Variants in SACS observed in about 807,000 individuals in gnomAD.
The protein encoded by SACS is sacsin molecular chaperone.
Under a neutral mutation model 348.0 loss-of-function variants are expected in SACS, and 197 were observed. That is an observed-to-expected ratio of 0.57 (90% CI 0.50 to 0.64). The LOEUF is 0.64. Ranked by LOEUF, SACS falls within the 30% of genes least tolerant of loss-of-function variation. SACS has a pLI of 0.00. For synonymous variants in SACS, 1,985 were observed against 1,910.6 expected, an observed-to-expected ratio of 1.04 and a Z score of -1.02; for missense variants, 4,999 against 5,360.8, an observed-to-expected ratio of 0.93 and a Z score of 2.11.
Position 23,329,463 on chromosome 13 carries a change from C to A in SACS, c.*673G>T. The stretch of plus-strand genomic sequence containing the variant: ...TGCCACCATTTTGAGTTTTCCGTTG[C>A]TATCTTCATCAAACAGGAAGCCTGT... On this transcript the variant is annotated 3_prime_UTR_variant, in exon 10 of 10. Coordinates refer to ENST00000382292, the MANE Select transcript of SACS (RefSeq NM_014363.6). 1 of 767,848 alleles carries A rather than the reference C, an allele frequency of 1.3e-6. No individual in the cohort carries two copies. The highest frequency in any genetic ancestry group is 1.4e-5 in the South Asian group (1 of 71,588). 47.6% of individuals were successfully genotyped at this position (767,848 alleles called of 1,614,324 possible).
chr13:23,368,921 G>A (rs572655867), intron 4 of SACS, among the ~76,000 whole-genome samples: 36 of 152,200 alleles, frequency 2.4e-4, no homozygotes, highest in Admixed American at 1.2e-3. Flanking sequence ...GGATGGTCTT[G>A]ATCTCCTGAC....
intron 2 of SACS, among the ~76,000 whole-genome samples, chr13:23,407,637 G>A (rs1398756229): frequency 6.6e-6 from 1 of 152,210 alleles, no homozygotes; most frequent in Non-Finnish European, 1.5e-5. Flanking sequence ...GACTTAGATG[G>A]TTCAGACAGA....
Position 23,332,206 on chromosome 13 carries a change from A to G in SACS, c.11670T>C (p.Asn3890=). The change falls in exon 10 of 10, where the codon AAT becomes AAC. Residue 3890 remains asparagine, a synonymous_variant. Transcript: ENST00000382292. ...GATCACTCCTCACCTTGACTGAATC[A>G]TTCTGTAGACTCCTGAACAGACCAG... The part of the protein sequence containing the change: ...VVSGLFRSLQ[N]DSVKVRSDLE... 6.2e-7 allele frequency: 1 copy of G among 1,614,044 alleles called. No individual in the cohort carries two copies. The highest frequency in any genetic ancestry group is 8.5e-7 in the Non-Finnish European group (1 of 1,179,954).
chr13:23,359,158 G>C (rs953393467), intron 6 of SACS, among the ~76,000 whole-genome samples: 4 of 151,806 alleles, frequency 2.6e-5, no homozygotes, highest in Non-Finnish European at 4.4e-5. Flanking sequence ...CTCCAGCCTG[G>C]GCAACAGAGC....
chr13:23,417,200 C>G (rs1031130912), intron 1 of SACS, among the ~76,000 whole-genome samples: 40 of 151,832 alleles, frequency 2.6e-4, no homozygotes, highest in African/African-American at 9.7e-4. Flanking sequence ...TTAAAAAGAC[C>G]CTTTAAAAAT....
intron 2 of SACS, among the ~76,000 whole-genome samples, chr13:23,399,037 A>AAAAAAAAAAAAAAC (rs55848856): frequency 2.0e-5 from 3 of 149,738 alleles, no homozygotes; most frequent in Admixed American, 6.6e-5. Flanking sequence ...AAAAAAAAAA[A>AAAAAAAAAAAAAAC]CATGGATGCC....
intron 1 of SACS, among the ~76,000 whole-genome samples, chr13:23,433,083 A>G (rs1874499957): frequency 6.6e-6 from 1 of 152,232 alleles, no homozygotes; most frequent in Admixed American, 6.5e-5. Context: ...ATATTATATA[A>G]GATAACCATA....
chr13:23,390,087 TTTA>T (rs1016046742), intron 2 of SACS, among the ~76,000 whole-genome samples: 44 of 152,288 alleles, frequency 2.9e-4, no homozygotes, highest in African/African-American at 8.2e-4. Flanking sequence ...GGGTATAGAA[TTTA>T]TTATTTCTAT....
chr13:23,409,447 C>T (rs887470122), intron 2 of SACS, among the ~76,000 whole-genome samples: 3 of 149,700 alleles, frequency 2.0e-5, no homozygotes, highest in Non-Finnish European at 4.4e-5. Context: ...ACCTCCGCCT[C>T]CTGGGTTCAA....
chr13:23,335,792 C>T lies in SACS; in HGVS notation c.8084G>A (p.Cys2695Tyr). Residue 2695 changes from cysteine to tyrosine, a missense_variant, in exon 10 of 10, where the codon TGC becomes TAC. By Grantham distance (194) the Cys-to-Tyr change is radical. Transcript: ENST00000382292. The surrounding 1 kb of genome is among the most constrained non-coding windows in gnomAD (Gnocchi z 4.7). Reference sequence around the variant, plus strand: ...ACGAAGAGGAAATCTGAACATTGTGCAATTATCCAGTTTAAAATGGGTTCC... The same window carrying T: ...ACGAAGAGGAAATCTGAACATTGTGTAATTATCCAGTTTAAAATGGGTTCC... The part of the protein sequence containing the change: ...YLGTHFKLDN[C>Y]TMFRFPLRNA... 1 of 1,613,996 alleles carries T rather than the reference C, an allele frequency of 6.2e-7. No individual in the cohort carries two copies. The highest frequency in any genetic ancestry group is 8.5e-7 in the Non-Finnish European group (1 of 1,179,914).
rs574760713 is a variant in SACS, at chr13:23,398,010, G to A, written c.20+13210C>T. Among the ~76,000 whole-genome samples the A allele has an allele frequency of 7.8e-5, 11 of 140,844 alleles. No individual in the cohort carries two copies. In the East Asian group the frequency reaches 1.8e-3, roughly 23 times the overall value. 92.4% of individuals were successfully genotyped at this position (140,844 alleles called of 152,430 possible). A position where few individuals can be genotyped will look rare whatever the true frequency, so the allele number is the denominator to read the frequency against. ...AGTTCGAGACCAGCCTGACCAACACGGAGAAACCCTGTCTCTGCCAAAAAT... is the reference window on the plus strand; with the variant it reads ...AGTTCGAGACCAGCCTGACCAACACAGAGAAACCCTGTCTCTGCCAAAAAT... On this transcript the variant is annotated intron_variant, in intron 2 of 9. Transcript: ENST00000382292.
chr13:23,417,832 A>G lies in SACS; in HGVS notation c.-501-6092T>C, dbSNP rs1873746107. 2.0e-5 allele frequency among the ~76,000 whole-genome samples: 3 copies of G among 152,150 alleles called. No individual in the cohort carries two copies. The South Asian group carries it at 6.2e-4, about 32-fold the overall frequency. On this transcript the variant is annotated intron_variant, in intron 1 of 9. Coordinates refer to ENST00000382292, the MANE Select transcript of SACS (RefSeq NM_014363.6). ...ACCTGTAATCCCAGCACTTTGGAACACTGAGGCAGGCGGAACCCCTGAGCT... is the reference window on the plus strand; with the variant it reads ...ACCTGTAATCCCAGCACTTTGGAACGCTGAGGCAGGCGGAACCCCTGAGCT...
chr13:23,429,345 A>ATTTTTTTTT lies in SACS; in HGVS notation c.-502+4261_-502+4269dup, dbSNP rs536939164. 2.9e-3 allele frequency among the ~76,000 whole-genome samples: 151 copies of ATTTTTTTTT among 51,478 alleles called. 31 individuals are homozygous for ATTTTTTTTT. The highest frequency in any genetic ancestry group is 3.7e-3 in the Non-Finnish European group (107 of 28,794). 33.8% of individuals were successfully genotyped at this position (51,478 alleles called of 152,430 possible). ...CTGTGATTCAGTCGTTGAGGTAGGG[A>ATTTTTTTTT]TTTTTTTTTTTTTTTTTTTTTTTTT... On this transcript the variant is annotated intron_variant, in intron 1 of 9. Transcript: ENST00000382292.
intron 2 of SACS, among the ~76,000 whole-genome samples, chr13:23,398,130 G>A (rs530948745): frequency 6.6e-6 from 1 of 152,026 alleles, no homozygotes; most frequent in African/African-American, 2.4e-5. Flanking sequence ...GGTGGAGGTT[G>A]CAGTGAGCCA....
intron 2 of SACS, among the ~76,000 whole-genome samples, chr13:23,407,719 G>C (rs1024845023): frequency 6.6e-6 from 1 of 152,070 alleles, no homozygotes; most frequent in East Asian, 1.9e-4. Flanking sequence ...CATTAGACAG[G>C]CTCCCCCACG....
In SACS at chr13:23,355,556, C is replaced by A. The variant is rs1168146061; in HGVS notation, c.1056G>T (p.Leu352=). Residue 352 remains leucine (L), a synonymous_variant, in exon 8 of 10, where the codon CTG becomes CTT. Transcript: ENST00000382292. ...TACAATAGTTACTTATAGCAGTTCCCAGAATCTTTATAGAATTCGGCCGCT... is the reference window on the plus strand; with the variant it reads ...TACAATAGTTACTTATAGCAGTTCCAAGAATCTTTATAGAATTCGGCCGCT... ...KHERPNSIKI[L]GTAISNYCKK... 6.2e-7 allele frequency: 1 copy of A among 1,614,054 alleles called. No homozygotes were observed. The highest frequency in any genetic ancestry group is 8.5e-7 in the Non-Finnish European group (1 of 1,179,992).
At chr13:23,405,605 G>T (rs1249591952) in intron 2 of SACS, among the ~76,000 whole-genome samples, 1 of 151,792 alleles carries the variant, frequency 6.6e-6, no homozygotes, top group Non-Finnish European at 1.5e-5. Flanking sequence ...ACTATCATCA[G>T]AGTGAACAGA....
At chr13:23,342,158 AAAT>A (rs569292923) in intron 9 of SACS, among the ~76,000 whole-genome samples, 14 of 152,340 alleles carry the variant, frequency 9.2e-5, no homozygotes, top group Non-Finnish European at 1.8e-4. Context: ...AATAATTTTT[AAAT>A]AATAGTGATA....
At chr13:23,423,871 A>G (rs1171465147) in intron 1 of SACS, among the ~76,000 whole-genome samples, 3 of 152,194 alleles carry the variant, frequency 2.0e-5, no homozygotes, top group Non-Finnish European at 4.4e-5. Flanking sequence ...TTTTTGTTAA[A>G]CAAGTTACAA....
Sources: gnomAD v4.1 joint callset for allele counts (sites outside exome capture counted in the v4.1 genomes callset) on GRCh38, gnomAD v4.1.1 for gene constraint, Gnocchi (gnomAD v3.1) non-coding constraint, MANE v1.5 for transcripts, NCBI Gene and HGNC (gene_info 2026-07-23, HGNC 2026-07-21) for gene names.